The following RNF213 variants were observed in gnomAD, a reference collection of about 807,000 sequenced individuals.
RNF213 encodes the protein E3 ubiquitin-protein ligase RNF213.
A neutral mutation model predicts 514.4 loss-of-function variants in RNF213; 341 were observed. That is an observed-to-expected ratio of 0.66 (90% CI 0.61 to 0.73). The LOEUF is 0.73. Among genes scored for constraint, RNF213 ranks in the 30% least tolerant of loss-of-function variants. The probability of loss-of-function intolerance (pLI) is 0.00; values close to 1 mark genes in which losing one functional copy is unlikely to be tolerated. For missense variants in RNF213, 5,767 were observed against 6,615.6 expected (o/e 0.87, Z 4.45); for synonymous variants, 2,655 against 2,658.2 (o/e 1.00, Z 0.04).
chr17:80,363,576 C>T (rs765468865), intron 40 of RNF213, 33 bp from the exon 41 acceptor site: 35 of 1,610,316 alleles, frequency 2.2e-5, no homozygotes, highest in Non-Finnish European at 2.8e-5. Context: ...GGAGGGGCAC[C>T]GCTCAGCCAC....
intron 3 of RNF213, chr17:80,278,647 C>T: frequency 7.6e-7 from 1 of 1,321,470 alleles, no homozygotes; most frequent in Non-Finnish European, 1.0e-6. Context: ...TGTGGGTGTC[C>T]CTGCCTGGGC....
intron 3 of RNF213, among the ~76,000 whole-genome samples, chr17:80,277,012 G>A (rs1395260328): frequency 3.3e-5 from 5 of 151,492 alleles, no homozygotes; most frequent in Admixed American, 6.6e-5. Flanking sequence ...AGCCGAGATC[G>A]CACCACTGCA....
chr17:80,332,447 A>T lies in RNF213; in HGVS notation c.3959A>T (p.Glu1320Val), dbSNP rs779968162. 6.5e-7 allele frequency: 1 copy of T among 1,537,148 alleles called. No homozygotes were observed. The highest frequency in any genetic ancestry group is 8.7e-7 in the Non-Finnish European group (1 of 1,146,852). ...FVNKYTDLDS[E>V]LKIMCTVDHQ... ...AATAAATACACGGACCTGGATTCAG[A>T]ACTTAAGATCATGTGCACCGTGGAC... is the stretch of plus-strand genomic sequence containing the variant. Residue 1320 changes from glutamate (E) to valine (V), a missense_variant, in exon 21 of 68, where the codon GAA (glutamate) becomes GTA (valine). Glu to Val is a moderately radical substitution (Grantham distance 121, BLOSUM62 -2). This residue lies in a region of RNF213 where 516 missense variants were observed against 566.5 expected (regional missense o/e 0.91). Coordinates refer to ENST00000582970, the MANE Select transcript of RNF213 (RefSeq NM_001256071.3).
At chr17:80,276,739 T>G (rs1291558016) in intron 3 of RNF213, among the ~76,000 whole-genome samples, 1 of 151,212 alleles carries the variant, frequency 6.6e-6, no homozygotes. Flanking sequence ...AGCAAGGCAG[T>G]TGATCCAAAA....
intron 3 of RNF213, among the ~76,000 whole-genome samples, chr17:80,285,638 C>A (rs1045672387): frequency 2.0e-5 from 3 of 152,266 alleles, no homozygotes; most frequent in African/African-American, 7.2e-5. Flanking sequence ...TGGGCCCCAG[C>A]CCCAGACTCT....
chr17:80,307,139 TGTTCAGAAC>T lies in RNF213; in HGVS notation c.2449_2457del (p.Val817_Asn819del). On this transcript the variant is annotated inframe_deletion, in exon 13 of 68. Coordinates refer to ENST00000582970, the MANE Select transcript of RNF213 (RefSeq NM_001256071.3). The stretch of plus-strand genomic sequence containing the variant: ...TTTCTCTGCCTTAGGATGTTCAGGA[TGTTCAGAAC>T]GTTCAGAACATTTTAGAAATGCTGT... The T allele has an allele frequency of 1.2e-6, 2 of 1,613,900 alleles. No homozygotes were observed. The highest frequency in any genetic ancestry group is 2.2e-5 in the East Asian group (1 of 44,880).
At position 80,317,206 on chromosome 17, in the gene RNF213, G is replaced by C; in HGVS notation, c.2830G>C (p.Glu944Gln). The change falls in exon 16 of 68, where the codon GAA (glutamate) becomes CAA (glutamine). Residue 944 changes from glutamate to glutamine, a missense_variant. Around this residue, in one of 13 missense-constraint regions of RNF213, gnomAD observed 592 missense variants for 673.9 expected, o/e 0.88. Coordinates refer to ENST00000582970, the MANE Select transcript of RNF213 (RefSeq NM_001256071.3). This position sits in a 1 kb window ranked among gnomAD's most constrained non-coding sequence, Gnocchi z 4.1. Reference sequence around the variant, plus strand: ...TTTGCAGGTCTGGAGGCGGCTGGTGGAAATCCAATTCCCCGCGGAGCATGG... The same window carrying C: ...TTTGCAGGTCTGGAGGCGGCTGGTGCAAATCCAATTCCCCGCGGAGCATGG... The part of the protein sequence containing the change: ...KEIEVWRRLV[E>Q]IQFPAEHGWK... 1 of 1,612,604 alleles carries C rather than the reference G, an allele frequency of 6.2e-7. No individual in the cohort carries two copies. Among genetic ancestry groups the C allele is most frequent in the Non-Finnish European group, 8.5e-7 (1 of 1,179,804 alleles).
In RNF213 at chr17:80,295,788, A is replaced by G. The variant is rs2044919281; in HGVS notation, c.1987A>G (p.Ser663Gly). 1 of 1,614,042 alleles carries G rather than the reference A, an allele frequency of 6.2e-7. No homozygotes were observed. Among genetic ancestry groups the G allele is most frequent in the Admixed American group, 1.7e-5 (1 of 59,996 alleles). Reference sequence around the variant, plus strand: ...ACCAGATGAGTTTCACCGTGACCTAAGCCACATCCTTGGGATACCTCAGAG... The same window carrying G: ...ACCAGATGAGTTTCACCGTGACCTAGGCCACATCCTTGGGATACCTCAGAG... The part of the protein sequence containing the change: ...SSPDEFHRDL[S>G]HILGIPQSWR... Residue 663 changes from serine to glycine, a missense_variant, in exon 10 of 68, where the codon AGC becomes GGC. By Grantham distance (56) the Ser-to-Gly change is moderately conservative. This residue lies in a region of RNF213 where 592 missense variants were observed against 673.9 expected (regional missense o/e 0.88). Transcript: ENST00000582970.
chr17:80,271,570 G>T (rs1175184363), intron 2 of RNF213, among the ~76,000 whole-genome samples: 1 of 152,240 alleles, frequency 6.6e-6, no homozygotes, highest in Non-Finnish European at 1.5e-5. Context: ...GCACCATCTG[G>T]AGTGTGTGTC....
chr17:80,376,338 A>T lies in RNF213; in HGVS notation c.13223A>T (p.Lys4408Met), dbSNP rs774567724. The change falls in exon 52 of 68, where the codon AAG becomes ATG. Residue 4408 changes from lysine (K) to methionine (M), a missense_variant. Around this residue, in one of 13 missense-constraint regions of RNF213, gnomAD observed 1,245 missense variants for 1,339.0 expected, o/e 0.93. Transcript: ENST00000582970. Reference sequence around the variant, plus strand: ...GTGAGCAAATTCATTGGCGAATGCAAGATCCTTTCACCTCCTGATATCAGC... The same window carrying T: ...GTGAGCAAATTCATTGGCGAATGCATGATCCTTTCACCTCCTGATATCAGC... ...EAVSKFIGEC[K>M]ILSPPDISRF... is the part of the protein sequence containing the mutation. The T allele has an allele frequency of 6.2e-7, 1 of 1,614,214 alleles. No individual in the cohort carries two copies. Among genetic ancestry groups the T allele is most frequent in the Admixed American group, 1.7e-5 (1 of 60,028 alleles).
chr17:80,295,083 C>T (rs1391280459), intron 9 of RNF213, 80 bp downstream of exon 9: 7 of 1,543,902 alleles, frequency 4.5e-6, no homozygotes, highest in Admixed American at 3.4e-5. Context: ...GACCCCTTGA[C>T]TCTGTGGGCC....
chr17:80,366,075 C>G (rs1486691299), intron 42 of RNF213, among the ~76,000 whole-genome samples: 1 of 152,256 alleles, frequency 6.6e-6, no homozygotes, highest in African/African-American at 2.4e-5. Context: ...ACTTGTACCC[C>G]TACCCAGCCC....
chr17:80,313,726 TGGA>T (rs2045672962), intron 15 of RNF213, among the ~76,000 whole-genome samples: 1 of 146,534 alleles, frequency 6.8e-6, no homozygotes. Flanking sequence ...GTGGTGGTGG[TGGA>T]GGTGACAATG....
In RNF213 at chr17:80,263,459, G is replaced by A. The variant is rs980685260; in HGVS notation, c.-108-115G>A. The A allele has an allele frequency of 7.8e-6, 4 of 510,730 alleles. No individual in the cohort carries two copies. The highest frequency in any genetic ancestry group is 1.5e-5 in the Non-Finnish European group (4 of 275,542). 31.6% of individuals were successfully genotyped at this position (510,730 alleles called of 1,614,324 possible). Reference sequence around the variant, plus strand: ...AGGGACCAGGGCAGAGACTGCAAAAGCTTGAGAGCCAAGGGGGCAGCACAG... The same window carrying A: ...AGGGACCAGGGCAGAGACTGCAAAAACTTGAGAGCCAAGGGGGCAGCACAG... On this transcript the variant is annotated intron_variant, in intron 1 of 67. Coordinates refer to ENST00000582970, the MANE Select transcript of RNF213 (RefSeq NM_001256071.3). The surrounding 1 kb of genome is among the most constrained non-coding windows in gnomAD (Gnocchi z 4.9).
At position 80,347,147 on chromosome 17, in the gene RNF213, G is replaced by A. The variant is rs761046039; in HGVS notation, c.8812G>A (p.Ala2938Thr). Residue 2938 changes from alanine to threonine, a missense_variant, in exon 29 of 68, where the codon GCC becomes ACC. By Grantham distance (58) the Ala-to-Thr change is moderately conservative. Transcript: ENST00000582970. The surrounding 1 kb of genome is among the most constrained non-coding windows in gnomAD (Gnocchi z 7.2). ...VQGYFASFAK[A>T]YETVCKRQDK... Reference sequence around the variant, plus strand: ...AGGGTACTTTGCGTCCTTTGCCAAAGCCTACGAAACGGTGTGTAAGCGCCA... The same window carrying A: ...AGGGTACTTTGCGTCCTTTGCCAAAACCTACGAAACGGTGTGTAAGCGCCA... 2.5e-6 allele frequency: 4 copies of A among 1,614,084 alleles called. No individual in the cohort carries two copies. Among genetic ancestry groups the A allele is most frequent in the African/African-American group, 2.7e-5 (2 of 75,046 alleles).
intron 46 of RNF213, among the ~76,000 whole-genome samples, chr17:80,371,331 T>C (rs1192853432): frequency 6.6e-6 from 1 of 152,222 alleles, no homozygotes; most frequent in Non-Finnish European, 1.5e-5. Flanking sequence ...TCCGAGTATA[T>C]GAGGACAGAT....
Position 80,383,930 on chromosome 17 carries a change from T to C in RNF213, c.14322+2T>C. 5 of 1,614,062 alleles carry C rather than the reference T, an allele frequency of 3.1e-6. No homozygotes were observed. Among genetic ancestry groups the C allele is most frequent in the Non-Finnish European group, 3.4e-6 (4 of 1,180,010 alleles). On this transcript the variant is annotated splice_donor_variant, in intron 59 of 67. Coordinates refer to ENST00000582970, the MANE Select transcript of RNF213 (RefSeq NM_001256071.3). LOFTEE classifies it high-confidence loss of function. The stretch of plus-strand genomic sequence containing the variant: ...ATCCTCTGGCATTTCCTGCAGAAGG[T>C]ATGTCTGGCTTACTGTGGCTCCCTC...
rs1037629706 is a variant in RNF213 at position 80,353,908 on chromosome 17, C to T, written c.10579-111C>T. 21 of 1,431,370 alleles carry T rather than the reference C, an allele frequency of 1.5e-5. No homozygotes were observed. The highest frequency in any genetic ancestry group is 5.9e-5 in the South Asian group (5 of 84,382). The allele number at this position is 1,431,370 out of a possible 1,614,324, so 88.7% of individuals were successfully genotyped here. On this transcript the variant is annotated intron_variant, in intron 34 of 67. Coordinates refer to ENST00000582970, the MANE Select transcript of RNF213 (RefSeq NM_001256071.3). This position sits in a 1 kb window ranked among gnomAD's most constrained non-coding sequence, Gnocchi z 5.0. ...GCGTCTCTTCTTTGTCCGTGAGGAC[C>T]GCCGCCCTGTGCTGTTTGCTGCATT...
chr17:80,270,812 G>C lies in RNF213; in HGVS notation c.98-2429G>C, dbSNP rs139518561. The stretch of plus-strand genomic sequence containing the variant: ...CTGGGTCACCGTTGCCCAAGTCCAG[G>C]CTTGAGGGGTTCAAGTGTACTAGGG... On this transcript the variant is annotated intron_variant, in intron 2 of 67. Transcript: ENST00000582970. Among the ~76,000 whole-genome samples the C allele has an allele frequency of 6.0e-3, 911 of 152,288 alleles. 5 individuals carry two copies. The highest frequency in any genetic ancestry group is 0.02 in the African/African-American group (836 of 41,564).
Sources: gnomAD v4.1 joint callset for allele counts (sites outside exome capture counted in the v4.1 genomes callset) on GRCh38, gnomAD v4.1.1 for gene constraint, gnomAD v4.1.1 regional missense constraint, Gnocchi (gnomAD v3.1) non-coding constraint, MANE v1.5 for transcripts, NCBI Gene and HGNC (gene_info 2026-07-23, HGNC 2026-07-21) for gene names.